HSDL2: variants seen among roughly 807,000 people sequenced by gnomAD.
HSDL2 encodes the protein hydroxysteroid dehydrogenase-like protein 2.
HSDL2 carries 27 observed loss-of-function variants against 46.3 expected under a neutral mutation model. The ratio of observed to expected loss-of-function variants is 0.58; its 90% CI spans 0.43 to 0.80. The LOEUF (loss-of-function observed/expected upper bound fraction) is 0.80, where lower values mean the gene tolerates loss of function less well. Ranked by LOEUF, HSDL2 falls within the 30% of genes least tolerant of loss-of-function variation. HSDL2 has a pLI of 0.00. For synonymous variants in HSDL2, 153 were observed against 163.6 expected (o/e 0.94, Z 0.50); for missense variants, 451 against 502.7 (o/e 0.90, Z 0.98).
At chr9:112,449,572 C>G (rs1832832203) in intron 8 of HSDL2, among the ~76,000 whole-genome samples, 2 of 151,790 alleles carry the variant, frequency 1.3e-5, no homozygotes, top group Non-Finnish European at 2.9e-5. Context: ...CCAAAAAATT[C>G]ATCATTTTAG....
chr9:112,398,532 C>T lies in HSDL2; in HGVS notation c.18-5463C>T, dbSNP rs909752794. ...GAGTTAGATATTGAGTCCTCAATATCGTCAGGTAGGGGAGGAGTTGGTGAA... is the reference window on the plus strand; with the variant it reads ...GAGTTAGATATTGAGTCCTCAATATTGTCAGGTAGGGGAGGAGTTGGTGAA... On this transcript the variant is annotated intron_variant, in intron 1 of 10. Coordinates refer to ENST00000398805, the MANE Select transcript of HSDL2 (RefSeq NM_032303.5). Among the ~76,000 whole-genome samples the T allele has an allele frequency of 2.0e-5, 3 of 151,868 alleles. No individual in the cohort carries two copies. The East Asian group carries it at 5.8e-4, about 29-fold the overall frequency.
intron 9 of HSDL2, among the ~76,000 whole-genome samples, chr9:112,457,339 T>A (rs7862037): frequency 6.6e-6 from 1 of 152,022 alleles, no homozygotes; most frequent in African/African-American, 2.4e-5. Context: ...GTGAAGGAGC[T>A]GAGATGAACC....
At chr9:112,415,193 A>G (rs994497422) in intron 4 of HSDL2, among the ~76,000 whole-genome samples, 1 of 152,214 alleles carries the variant, frequency 6.6e-6, no homozygotes, top group African/African-American at 2.4e-5. Flanking sequence ...ACCCAAAGGC[A>G]TATTTTATAT....
chr9:112,466,509 C>T lies in HSDL2; in HGVS notation c.1145-3923C>T, dbSNP rs893595602. 1.3e-4 allele frequency among the ~76,000 whole-genome samples: 19 copies of T among 150,768 alleles called. 1 individual carries two copies. Among genetic ancestry groups the T allele is most frequent in the African/African-American group, 3.4e-4 (14 of 40,860 alleles). ...CGGAGGCTGCAGTGAGCCAAGATCA[C>T]GCCATTGCACTCTAGCCTGGGTGAC... On this transcript the variant is annotated intron_variant, in intron 10 of 10. Transcript: ENST00000398805.
chr9:112,400,654 T>G (rs547102917), intron 1 of HSDL2, among the ~76,000 whole-genome samples: 1 of 152,266 alleles, frequency 6.6e-6, no homozygotes, highest in African/African-American at 2.4e-5. Flanking sequence ...TTAAAACAAA[T>G]GGATGCTCTC....
At chr9:112,380,436 GGGA>G (rs1831057879) in intron 1 of HSDL2, among the ~76,000 whole-genome samples, 1 of 152,116 alleles carries the variant, frequency 6.6e-6, no homozygotes, top group Admixed American at 6.5e-5. Flanking sequence ...AGGGCCGAGG[GGGA>G]GTCACCACGC....
intron 1 of HSDL2, among the ~76,000 whole-genome samples, chr9:112,393,536 A>G (rs1335897601): frequency 6.6e-6 from 1 of 152,254 alleles, no homozygotes; most frequent in Non-Finnish European, 1.5e-5. Flanking sequence ...CTTGCCAATC[A>G]TTAACAAAAT....
At chr9:112,448,937 TTTTA>T (rs1832812991) in intron 8 of HSDL2, among the ~76,000 whole-genome samples, 1 of 152,100 alleles carries the variant, frequency 6.6e-6, no homozygotes, top group Non-Finnish European at 1.5e-5. Context: ...CTTTCAAAAC[TTTTA>T]TTTTATTCAA....
intron 7 of HSDL2, chr9:112,438,848 A>G (rs1164169439): frequency 3.5e-6 from 1 of 284,264 alleles, no homozygotes. Context: ...ATATATATAT[A>G]TATATATAAG....
chr9:112,455,207 G>A (rs1832987968), intron 9 of HSDL2, among the ~76,000 whole-genome samples: 1 of 151,694 alleles, frequency 6.6e-6, no homozygotes, highest in African/African-American at 2.4e-5. Context: ...AATAACCACT[G>A]CACTCCAGCC....
intron 8 of HSDL2, among the ~76,000 whole-genome samples, chr9:112,450,515 G>A (rs949488284): frequency 2.0e-5 from 3 of 151,218 alleles, no homozygotes; most frequent in African/African-American, 7.3e-5. Flanking sequence ...TGTAATCCCA[G>A]CTATTCGGGA....
chr9:112,423,508 C>CTAAA (rs780991125), intron 6 of HSDL2, among the ~76,000 whole-genome samples: 1 of 151,994 alleles, frequency 6.6e-6, no homozygotes, highest in Non-Finnish European at 1.5e-5. Flanking sequence ...GGGGGTTTCA[C>CTAAA]CATGTTGGCC....
chr9:112,412,671 C>G (rs567257216), intron 4 of HSDL2, among the ~76,000 whole-genome samples: 12 of 152,178 alleles, frequency 7.9e-5, no homozygotes, highest in Non-Finnish European at 1.8e-4. Context: ...GTATAAGTCT[C>G]TTTGTTTTTT....
At chr9:112,386,326 G>A (rs1409640307) in intron 1 of HSDL2, among the ~76,000 whole-genome samples, 1 of 152,058 alleles carries the variant, frequency 6.6e-6, no homozygotes, top group East Asian at 1.9e-4. Context: ...TAAATAAGGT[G>A]TAAGACAGGA....
intron 6 of HSDL2, among the ~76,000 whole-genome samples, chr9:112,421,652 CG>C (rs1488285594): frequency 6.6e-6 from 1 of 152,160 alleles, no homozygotes; most frequent in Non-Finnish European, 1.5e-5. Context: ...ATATCCTCCT[CG>C]GCCTCCCAAA....
chr9:112,435,894 A>G (rs912078159), intron 6 of HSDL2, among the ~76,000 whole-genome samples: 2 of 151,882 alleles, frequency 1.3e-5, no homozygotes, highest in South Asian at 4.1e-4. Context: ...CACAACATTC[A>G]GCTGCTATTT....
intron 9 of HSDL2, among the ~76,000 whole-genome samples, chr9:112,458,519 G>C (rs1833102268): frequency 6.6e-6 from 1 of 151,258 alleles, no homozygotes; most frequent in Non-Finnish European, 1.5e-5. Context: ...TAGAAACGGG[G>C]TTTCACCATG....
In HSDL2 at chr9:112,417,302, G is replaced by A. The variant is rs532272591; in HGVS notation, c.499+358G>A. ...GTGTAATTTATTCATCTATAAAGTT[G>A]GTTAAAAACTATCTATGAGATACTT... On this transcript the variant is annotated intron_variant, in intron 5 of 10. Transcript: ENST00000398805. 2.0e-5 allele frequency among the ~76,000 whole-genome samples: 3 copies of A among 152,000 alleles called. No individual in the cohort carries two copies. In the East Asian group the frequency reaches 5.8e-4, roughly 29 times the overall value.
intron 6 of HSDL2, among the ~76,000 whole-genome samples, chr9:112,422,294 A>G (rs188936773): frequency 9.8e-5 from 15 of 152,322 alleles, no homozygotes; most frequent in African/African-American, 3.1e-4. Context: ...AAGAGGACCC[A>G]ATATCCAGAC....
Sources: gnomAD v4.1 joint callset for allele counts (sites outside exome capture counted in the v4.1 genomes callset) on GRCh38, gnomAD v4.1.1 for gene constraint, MANE v1.5 for transcripts, NCBI Gene and HGNC (gene_info 2026-07-23, HGNC 2026-07-21) for gene names.